Variants in RIF1 observed in about 807,000 individuals in gnomAD.
RIF1 encodes telomere-associated protein RIF1.
In RIF1, 45 loss-of-function variants were observed where a neutral mutation model predicts 247.1. The ratio of observed to expected loss-of-function variants is 0.18; its 90% CI spans 0.14 to 0.23. The LOEUF (loss-of-function observed/expected upper bound fraction) is 0.23, where lower values mean the gene tolerates loss of function less well. RIF1 is among the 10% of genes least tolerant of loss of function. The pLI, the probability that RIF1 is intolerant of heterozygous loss-of-function variation, is 1.00. For missense variants in RIF1, 2,967 were observed against 2,862.5 expected (o/e 1.04, Z -0.83); for synonymous variants, 1,087 against 978.8 (o/e 1.11, Z -2.06).
chr2:151,492,363 A>G, intron 9 of RIF1: 1 of 1,591,024 alleles, frequency 6.3e-7, no homozygotes, highest in Non-Finnish European at 8.6e-7. Context: ...GCAGCCAGCC[A>G]ATCCTAAAGA....
At chr2:151,484,685 C>T (rs1386737599), downstream of RIF1, among the ~76,000 whole-genome samples, 2 of 152,176 alleles carry the variant, frequency 1.3e-5, no homozygotes, top group Non-Finnish European at 2.9e-5. Context: ...AGGATTGTTG[C>T]CTACTTGCAT....
chr2:151,458,736 G>T, intron 24 of RIF1, 75 bp from the exon 25 acceptor site: 1 of 644,192 alleles, frequency 1.6e-6, no homozygotes. Context: ...AAATTAAAGT[G>T]CTGTTGTTAA....
intron 10 of RIF1, among the ~76,000 whole-genome samples, chr2:151,434,515 A>G (rs1190644600): frequency 7.3e-6 from 1 of 136,232 alleles, no homozygotes; most frequent in Non-Finnish European, 1.5e-5. Flanking sequence ...ATCTCGGCTC[A>G]CTGCAAACTC....
intron 9 of RIF1, chr2:151,492,177 G>A: frequency 2.5e-6 from 4 of 1,613,860 alleles, no homozygotes; most frequent in Non-Finnish European, 3.4e-6. Context: ...GGTAGTTAAT[G>A]TCACTGAAGT....
At chr2:151,489,175 G>A (rs1042503645) in intron 9 of RIF1, among the ~76,000 whole-genome samples, 4 of 152,144 alleles carry the variant, frequency 2.6e-5, no homozygotes, top group Non-Finnish European at 5.9e-5. Flanking sequence ...AGACCTTCTT[G>A]TATGTCATTT....
chr2:151,463,452 A>C lies in RIF1; in HGVS notation c.3932A>C (p.Glu1311Ala). 1 of 1,614,048 alleles carries C rather than the reference A, an allele frequency of 6.2e-7. No individual in the cohort carries two copies. Among genetic ancestry groups the C allele is most frequent in the Non-Finnish European group, 8.5e-7 (1 of 1,179,954 alleles). Residue 1311 changes from glutamate (E) to alanine (A), a missense_variant, in exon 30 of 36, where the codon GAG becomes GCG. This residue lies in a region of RIF1 where 2,028 missense variants were observed against 1,825.6 expected (regional missense o/e 1.11). Transcript: ENST00000444746. ...RSKPLMRSEP[E>A]KNTEESVEGI... Reference sequence around the variant, plus strand: ...AAGCCCTTAATGAGATCTGAGCCGGAGAAAAATACTGAGGAATCTGTTGAA... The same window carrying C: ...AAGCCCTTAATGAGATCTGAGCCGGCGAAAAATACTGAGGAATCTGTTGAA...
intron 9 of RIF1, chr2:151,493,289 T>C: frequency 7.9e-7 from 1 of 1,269,092 alleles, no homozygotes; most frequent in Non-Finnish European, 1.1e-6. Flanking sequence ...AAGGCGTGTT[T>C]TTATGATGTT....
At position 151,411,222 on chromosome 2, in the gene RIF1, G is replaced by C. The variant is rs201110119; in HGVS notation, c.105-38G>C. ...TTTTGAGAGTATTTTTTTTTTTCCT[G>C]TCAACTACTTAAACTTGTGTTCTTC... is the stretch of plus-strand genomic sequence containing the variant. On this transcript the variant is annotated intron_variant, in intron 2 of 35. Transcript: ENST00000444746. 4 of 1,207,374 alleles carry C rather than the reference G, an allele frequency of 3.3e-6. No individual in the cohort carries two copies. The African/African-American group carries it at 4.7e-5, about 14-fold the overall frequency. 74.8% of individuals were successfully genotyped at this position (1,207,374 alleles called of 1,614,324 possible).
intron 20 of RIF1, among the ~76,000 whole-genome samples, chr2:151,448,654 A>G (rs1044233279): frequency 2.0e-5 from 3 of 152,164 alleles, no homozygotes; most frequent in African/African-American, 7.2e-5. Context: ...GGACTTACCT[A>G]ATCGCGCTTG....
chr2:151,489,985 G>T lies in RIF1; in HGVS notation c.*416-5244G>T, dbSNP rs376984481. On this transcript the variant is annotated intron_variant and NMD_transcript_variant, in intron 9 of 13. Coordinates refer to the RIF1 transcript ENST00000454583. ...TATTCACTTACTCCAGCAGTAGATGGATGAGATGGGATGGAAGATACCGTT... is the reference window on the plus strand; with the variant it reads ...TATTCACTTACTCCAGCAGTAGATGTATGAGATGGGATGGAAGATACCGTT... The T allele has an allele frequency of 1.8e-5, 29 of 1,600,522 alleles. No individual in the cohort carries two copies. In the South Asian group the frequency reaches 3.1e-4, roughly 17 times the overall value.
In RIF1 at chr2:151,473,974, G is replaced by T. The variant is rs1411002832; in HGVS notation, c.7106G>T (p.Arg2369Leu). 6.4e-7 allele frequency: 1 copy of T among 1,570,192 alleles called. No individual in the cohort carries two copies. Among genetic ancestry groups the T allele is most frequent in the Non-Finnish European group, 8.7e-7 (1 of 1,144,296 alleles). The change falls in exon 35 of 36, where the codon CGT becomes CTT. Residue 2369 changes from arginine to leucine, a missense_variant. By Grantham distance (102) the Arg-to-Leu change is moderately radical. Coordinates refer to ENST00000444746, the MANE Select transcript of RIF1 (RefSeq NM_018151.5). ...RIYHEQQVKTRGLEEIPVFDI... is the reference protein window; with the variant it reads ...RIYHEQQVKTLGLEEIPVFDI... The stretch of plus-strand genomic sequence containing the variant: ...CCAACTGTAATCAAGGTGAAGACTC[G>T]TGGACTAGAAGAGATTCCAGTTTTT...
Position 151,460,097 on chromosome 2 carries a change from A to G in RIF1, c.3053A>G (p.Glu1018Gly). ...SFLAQTKNKK[E>G]NMKPAAKLKL... ...TTGGCACAAACAAAGAATAAAAAAG[A>G]AAATATGAAACCAGCAGCCAAAGTA... is the stretch of plus-strand genomic sequence containing the variant. The change falls in exon 26 of 36, where the codon GAA becomes GGA. Residue 1018 changes from glutamate (E) to glycine (G), a missense_variant. Physicochemically the swap from Glu to Gly is moderately conservative, Grantham distance 98 (BLOSUM62 -2). Around this residue, in one of 7 missense-constraint regions of RIF1, gnomAD observed 2,028 missense variants for 1,825.6 expected, o/e 1.11. Coordinates refer to ENST00000444746, the MANE Select transcript of RIF1 (RefSeq NM_018151.5). 1.3e-6 allele frequency: 2 copies of G among 1,565,700 alleles called. No individual in the cohort carries two copies. Among genetic ancestry groups the G allele is most frequent in the Non-Finnish European group, 1.7e-6 (2 of 1,151,714 alleles).
intron 9 of RIF1, chr2:151,491,856 C>G: frequency 1.7e-6 from 2 of 1,180,844 alleles, no homozygotes; most frequent in Non-Finnish European, 2.4e-6. Flanking sequence ...ATTTTAACAA[C>G]CACCAAAGGA....
intron 34 of RIF1, 32 bp from the exon 35 acceptor site, chr2:151,473,932 T>G: frequency 9.4e-7 from 1 of 1,058,958 alleles, no homozygotes; most frequent in Non-Finnish European, 1.5e-6. Flanking sequence ...TGTTGTTGTT[T>G]TGCGTTTTTT....
intron 26 of RIF1, 118 bp from the exon 27 acceptor site, chr2:151,461,020 C>CA (rs1696072787): frequency 1.1e-6 from 1 of 907,600 alleles, no homozygotes; most frequent in South Asian, 1.7e-5. Context: ...TCATGAGTAT[C>CA]ATCAACTTTC....
chr2:151,516,458 C>T, the RIF1 span: 1 of 1,603,042 alleles, frequency 6.2e-7, no homozygotes, highest in South Asian at 1.1e-5. Context: ...TTTTGACTTA[C>T]CCCACTCTGC....
intron 10 of RIF1, among the ~76,000 whole-genome samples, chr2:151,499,097 CTTTT>C (rs927526327): frequency 3.3e-5 from 5 of 151,954 alleles, no homozygotes; most frequent in African/African-American, 9.7e-5. Context: ...ATACTGAACA[CTTTT>C]TTTATTAAGT....
chr2:151,534,361 C>A, the RIF1 span: 2 of 1,536,642 alleles, frequency 1.3e-6, no homozygotes, highest in African/African-American at 2.7e-5. Flanking sequence ...AGTACAACTT[C>A]AAGGCTACAC....
chr2:151,456,235 A>T (rs1457905689), intron 22 of RIF1, among the ~76,000 whole-genome samples: 1 of 152,246 alleles, frequency 6.6e-6, no homozygotes, highest in Non-Finnish European at 1.5e-5. Flanking sequence ...TTTATAAAGT[A>T]CGATACAACC....
Sources: gnomAD v4.1 joint callset for allele counts (sites outside exome capture counted in the v4.1 genomes callset) on GRCh38, gnomAD v4.1.1 for gene constraint, gnomAD v4.1.1 regional missense constraint, MANE v1.5 for transcripts, NCBI Gene and HGNC (gene_info 2026-07-23, HGNC 2026-07-21) for gene names.